CCDC149: variants seen among roughly 807,000 people sequenced by gnomAD.
CCDC149 encodes coiled-coil domain-containing protein 149.
A neutral mutation model predicts 59.9 loss-of-function variants in CCDC149; 45 were observed. The observed-to-expected ratio is 0.75, with a 90% CI of 0.59 to 0.96. The LOEUF (loss-of-function observed/expected upper bound fraction) is 0.96. Ranked by LOEUF, CCDC149 falls within the 40% of genes least tolerant of loss-of-function variation. The probability of loss-of-function intolerance (pLI) is 0.00; values close to 1 mark genes in which losing one functional copy is unlikely to be tolerated. For missense variants in CCDC149, 584 were observed against 664.7 expected, an observed-to-expected ratio of 0.88 and a Z score of 1.33; for synonymous variants, 245 against 260.6, an observed-to-expected ratio of 0.94 and a Z score of 0.58.
At position 24,837,144 on chromosome 4, in the gene CCDC149, A is replaced by G; in HGVS notation, c.662+84T>C. On this transcript the variant is annotated intron_variant, in intron 6 of 12. Coordinates refer to ENST00000635206, the MANE Select transcript of CCDC149 (RefSeq NM_001330643.2). The surrounding 1 kb of genome is among the most constrained non-coding windows in gnomAD (Gnocchi z 4.3). ...TGTAAGGCAATTTTCTCCAAAATAAATAGGGCTGCAAATAACTCCCAGCCT... is the reference window on the plus strand; with the variant it reads ...TGTAAGGCAATTTTCTCCAAAATAAGTAGGGCTGCAAATAACTCCCAGCCT... 7.6e-7 allele frequency: 1 copy of G among 1,320,644 alleles called. No homozygotes were observed. Among genetic ancestry groups the G allele is most frequent in the Non-Finnish European group, 1.0e-6 (1 of 959,218 alleles). 81.8% of individuals were successfully genotyped at this position (1,320,644 alleles called of 1,614,324 possible).
In CCDC149 at chr4:24,876,450, T is replaced by C. The variant is rs1305160229; in HGVS notation, c.225+86A>G. ...ACTTTGAACTGTTTGCATTTAACCATTTCTAAAGAAACAGCATGTGAAAAT... is the reference window on the plus strand; with the variant it reads ...ACTTTGAACTGTTTGCATTTAACCACTTCTAAAGAAACAGCATGTGAAAAT... On this transcript the variant is annotated intron_variant, in intron 2 of 12. Coordinates refer to ENST00000635206, the MANE Select transcript of CCDC149 (RefSeq NM_001330643.2). The C allele has an allele frequency of 3.5e-6, 5 of 1,432,890 alleles. No individual in the cohort carries two copies. The Admixed American group carries it at 1.1e-4, about 31-fold the overall frequency. 88.8% of individuals were successfully genotyped at this position (1,432,890 alleles called of 1,614,324 possible).
In CCDC149 at chr4:24,889,531, C is replaced by T. The variant is rs573909117; in HGVS notation, c.64-12834G>A. ...TAAAATTACGCATGCATCTGAAACCCTCTCTTTGCCATCCAGGTTGCCAGG... is the reference window on the plus strand; with the variant it reads ...TAAAATTACGCATGCATCTGAAACCTTCTCTTTGCCATCCAGGTTGCCAGG... On this transcript the variant is annotated intron_variant, in intron 1 of 12. Transcript: ENST00000635206. Among the ~76,000 whole-genome samples, 6 of 152,252 alleles carry T rather than the reference C, an allele frequency of 3.9e-5. No homozygotes were observed. In the East Asian group the frequency reaches 1.2e-3, roughly 29 times the overall value.
intron 1 of CCDC149, among the ~76,000 whole-genome samples, chr4:24,974,602 A>G (rs1316344733): frequency 6.6e-6 from 1 of 152,074 alleles, no homozygotes; most frequent in Non-Finnish European, 1.5e-5. Context: ...TTTCCTTCTC[A>G]CTAGTCTTTG....
chr4:24,953,367 A>G (rs1266401443), intron 1 of CCDC149, among the ~76,000 whole-genome samples: 2 of 152,304 alleles, frequency 1.3e-5, no homozygotes, highest in South Asian at 4.1e-4. Flanking sequence ...GGAGATTAAA[A>G]GGGCTCCCCC....
At chr4:24,979,426 G>C (rs568185032) in intron 1 of CCDC149, among the ~76,000 whole-genome samples, 2 of 152,290 alleles carry the variant, frequency 1.3e-5, no homozygotes, top group South Asian at 4.1e-4. Flanking sequence ...AAGAAAGAGA[G>C]AAGACATGGA....
At chr4:24,849,205 G>C (rs1207307965) in intron 4 of CCDC149, among the ~76,000 whole-genome samples, 2 of 152,152 alleles carry the variant, frequency 1.3e-5, no homozygotes, top group East Asian at 3.8e-4. Context: ...AGCACTGCCT[G>C]AGTCTTTCCT....
Position 24,873,842 on chromosome 4 carries a change from G to A in CCDC149, c.226-123C>T, listed in dbSNP as rs1394303236. ...CCCCACCCTCCCCACCCTGCAGCCA[G>A]TAATGTGCTGAAGCAAGCTCAAATA... On this transcript the variant is annotated intron_variant, in intron 2 of 12. Transcript: ENST00000635206. The A allele has an allele frequency of 7.7e-6, 5 of 650,166 alleles. No individual in the cohort carries two copies. In the Admixed American group the frequency reaches 1.5e-4, roughly 20 times the overall value. 40.3% of individuals were successfully genotyped at this position (650,166 alleles called of 1,614,324 possible). A position where few individuals can be genotyped will look rare whatever the true frequency, so the allele number is the denominator to read the frequency against.
chr4:24,901,666 A>C (rs1721177614), intron 1 of CCDC149, among the ~76,000 whole-genome samples: 2 of 152,146 alleles, frequency 1.3e-5, no homozygotes, highest in Non-Finnish European at 2.9e-5. Context: ...AGTAAGCACT[A>C]ATCTTCCTTC....
intron 1 of CCDC149, among the ~76,000 whole-genome samples, chr4:24,963,316 G>T (rs1017118580): frequency 6.6e-6 from 1 of 152,068 alleles, no homozygotes; most frequent in African/African-American, 2.4e-5. Flanking sequence ...GCCAAAGTAG[G>T]TCGTTTTTCA....
At chr4:24,856,372 C>T (rs1718008705) in intron 3 of CCDC149, among the ~76,000 whole-genome samples, 1 of 152,104 alleles carries the variant, frequency 6.6e-6, no homozygotes, top group African/African-American at 2.4e-5. Context: ...CATTATATTA[C>T]AATAGAATAT....
intron 3 of CCDC149, among the ~76,000 whole-genome samples, chr4:24,873,318 TGAACAGTATGCACCCACA>T (rs534951121): frequency 2.6e-3 from 394 of 151,154 alleles, no homozygotes; most frequent in Non-Finnish European, 4.4e-3. Flanking sequence ...ATATATCCAC[TGAACAGTATGCACCCACA>T]GAACAGTATG....
chr4:24,907,253 T>C, intron 1 of CCDC149, among the ~76,000 whole-genome samples: 1 of 152,200 alleles, frequency 6.6e-6, no homozygotes. Flanking sequence ...ACCTATGAGG[T>C]AGGTACTTTT....
At chr4:24,862,260 T>G (rs1718431319) in intron 3 of CCDC149, among the ~76,000 whole-genome samples, 1 of 152,128 alleles carries the variant, frequency 6.6e-6, no homozygotes, top group African/African-American at 2.4e-5. Context: ...GCAGCTGAGA[T>G]AGTAAGTGTG....
chr4:24,902,979 T>A (rs11731621), intron 1 of CCDC149, among the ~76,000 whole-genome samples: 3 of 135,040 alleles, frequency 2.2e-5, no homozygotes, highest in Non-Finnish European at 4.5e-5. Flanking sequence ...GAGCCGAGAC[T>A]GTGCCATTAC....
intron 8 of CCDC149, among the ~76,000 whole-genome samples, chr4:24,834,018 A>G (rs1208130236): frequency 2.0e-5 from 3 of 152,228 alleles, no homozygotes; most frequent in Non-Finnish European, 4.4e-5. Flanking sequence ...TTTGCTATAT[A>G]TGGTATCCAG....
chr4:24,840,826 C>T (rs1716889806), intron 4 of CCDC149, among the ~76,000 whole-genome samples: 2 of 152,118 alleles, frequency 1.3e-5, no homozygotes, highest in African/African-American at 4.8e-5. Flanking sequence ...CTGTATATGT[C>T]AAATAAGGTG....
intron 1 of CCDC149, 64 bp downstream of exon 1, chr4:24,912,753 G>C: frequency 8.8e-7 from 1 of 1,137,648 alleles, no homozygotes; most frequent in Non-Finnish European, 1.1e-6. Flanking sequence ...CTCTGGGGGC[G>C]CGGGCCCGGG....
At chr4:24,839,182 C>CA (rs1553849828) in intron 4 of CCDC149, among the ~76,000 whole-genome samples, 1 of 144,286 alleles carries the variant, frequency 6.9e-6, no homozygotes. Context: ...TACTTTCTAA[C>CA]TTTTTTTTTT....
intron 4 of CCDC149, among the ~76,000 whole-genome samples, chr4:24,842,213 G>A (rs1716980393): frequency 6.6e-6 from 1 of 152,128 alleles, no homozygotes; most frequent in African/African-American, 2.4e-5. Flanking sequence ...ACAGGCCCTG[G>A]AGCATATAAT....
Sources: gnomAD v4.1 joint callset for allele counts (sites outside exome capture counted in the v4.1 genomes callset) on GRCh38, gnomAD v4.1.1 for gene constraint, Gnocchi (gnomAD v3.1) non-coding constraint, MANE v1.5 for transcripts, NCBI Gene and HGNC (gene_info 2026-07-23, HGNC 2026-07-21) for gene names.